Variants in WDR35 observed in about 807,000 individuals in gnomAD.
WDR35 encodes WD repeat-containing protein 35.
In WDR35, 118 loss-of-function variants were observed where a neutral mutation model predicts 158.3. The observed-to-expected ratio is 0.75, with a 90% confidence interval of 0.64 to 0.87. The LOEUF is 0.87. WDR35 is among the 40% of genes least tolerant of loss of function. The probability of loss-of-function intolerance (pLI) is 0.00; values close to 1 mark genes in which losing one functional copy is unlikely to be tolerated. For synonymous variants in WDR35, 448 were observed against 476.1 expected (o/e 0.94, Z 0.77); for missense variants, 1,263 against 1,405.8 (o/e 0.90, Z 1.62).
chr2:19,982,621 T>G, intron 2 of WDR35, 87 bp from the exon 3 acceptor site: 1 of 1,393,056 alleles, frequency 7.2e-7, no homozygotes, highest in Non-Finnish European at 9.9e-7. Context: ...TCCTGGGCAG[T>G]ATTAATCATT....
intron 2 of WDR35, among the ~76,000 whole-genome samples, chr2:19,985,284 C>T (rs1274561456): frequency 6.6e-6 from 1 of 152,130 alleles, no homozygotes; most frequent in Non-Finnish European, 1.5e-5. Context: ...GGCCATCATC[C>T]TCAAACCCTA....
chr2:19,913,968 A>T, intron 26 of WDR35, 69 bp downstream of exon 26: 1 of 1,604,146 alleles, frequency 6.2e-7, no homozygotes, highest in Non-Finnish European at 8.5e-7. Context: ...CCTACATTAA[A>T]CATTGTACAT....
At chr2:19,960,755 T>C (rs936482312) in intron 10 of WDR35, 141 bp from the exon 11 acceptor site, 3 of 654,808 alleles carry the variant, frequency 4.6e-6, no homozygotes, top group Non-Finnish European at 7.9e-6. Context: ...GTGCAAAAAA[T>C]AGCAGACAAA....
chr2:19,973,634 C>A lies in WDR35; in HGVS notation c.811G>T (p.Ala271Ser). The change falls in exon 8 of 27, where the codon GCA becomes TCA. Residue 271 changes from alanine to serine, a missense_variant. Physicochemically the swap from Ala to Ser is moderately conservative, Grantham distance 99. Transcript: ENST00000281405. ...WNHMGSVLAV[A>S]GFQKAAMQDK... is the part of the protein sequence containing the mutation. ...TGCATGGCTGCCTTCTGGAAGCCTG[C>A]CACAGCTAACACGCTGCCCATGTGG... 6.2e-7 allele frequency: 1 copy of A among 1,614,208 alleles called. No homozygotes were observed. Among genetic ancestry groups the A allele is most frequent in the South Asian group, 1.1e-5 (1 of 91,080 alleles).
intron 8 of WDR35, among the ~76,000 whole-genome samples, chr2:19,970,187 G>GA (rs753507216): frequency 6.6e-6 from 1 of 151,952 alleles, no homozygotes; most frequent in Non-Finnish European, 1.5e-5. Context: ...CTAAGGAAAG[G>GA]AAAAAACACA....
chr2:19,917,957 G>A lies in WDR35; in HGVS notation c.3122-3680C>T, dbSNP rs184205166. Reference sequence around the variant, plus strand: ...ACATATTGTCAGATTCACCAAGGTTGAAATGAAGGAAAAAATGTTAAGGGC... The same window carrying A: ...ACATATTGTCAGATTCACCAAGGTTAAAATGAAGGAAAAAATGTTAAGGGC... On this transcript the variant is annotated intron_variant, in intron 25 of 26. Transcript: ENST00000281405. Among the ~76,000 whole-genome samples, 373 of 152,274 alleles carry A rather than the reference G, an allele frequency of 2.4e-3. 6 individuals carry two copies. Among genetic ancestry groups the A allele is most frequent in the African/African-American group, 8.6e-3 (359 of 41,558 alleles).
chr2:19,920,269 C>T (rs546722628), intron 25 of WDR35, among the ~76,000 whole-genome samples: 1 of 152,230 alleles, frequency 6.6e-6, no homozygotes, highest in East Asian at 1.9e-4. Context: ...GTGGCAGAGA[C>T]ACAACAACAA....
At chr2:19,973,335 A>ACTT (rs1162711378) in intron 8 of WDR35, among the ~76,000 whole-genome samples, 1 of 152,120 alleles carries the variant, frequency 6.6e-6, no homozygotes, top group Non-Finnish European at 1.5e-5. Context: ...CTTATGTTAA[A>ACTT]CTTCTGGTTT....
At chr2:19,929,054 G>C (rs1398563035) in intron 25 of WDR35, among the ~76,000 whole-genome samples, 1 of 152,056 alleles carries the variant, frequency 6.6e-6, no homozygotes, top group Admixed American at 6.5e-5. Context: ...TGATCCACCC[G>C]CCTCAGCCTC....
chr2:19,956,092 T>A (rs930356149), intron 11 of WDR35, among the ~76,000 whole-genome samples: 4 of 152,320 alleles, frequency 2.6e-5, no homozygotes, highest in African/African-American at 9.6e-5. Flanking sequence ...TGCGCTCTCC[T>A]TTCCCTGACC....
Position 19,941,723 on chromosome 2 carries a change from A to C in WDR35, c.1926+36T>G, listed in dbSNP as rs764140576. The C allele has an allele frequency of 3.5e-6, 5 of 1,433,992 alleles. No individual in the cohort carries two copies. The African/African-American group carries it at 4.2e-5, about 12-fold the overall frequency. 88.8% of individuals were successfully genotyped at this position (1,433,992 alleles called of 1,614,324 possible). On this transcript the variant is annotated intron_variant, in intron 17 of 26. Coordinates refer to ENST00000281405, the MANE Select transcript of WDR35 (RefSeq NM_020779.4). Reference sequence around the variant, plus strand: ...CCTGGTCCAGAAATAATCCCCTGTCAAGCTAGCAACAGAAATGTAACTTTT... The same window carrying C: ...CCTGGTCCAGAAATAATCCCCTGTCCAGCTAGCAACAGAAATGTAACTTTT...
At chr2:19,930,342 CATACTCAATTTATA>C (rs1670485061) in intron 25 of WDR35, 40 bp downstream of exon 25, 7 of 1,612,564 alleles carry the variant, frequency 4.3e-6, no homozygotes, top group Admixed American at 1.7e-5. Flanking sequence ...GCTAGCCCTT[CATACTCAATTTATA>C]ATTTTCAGAC....
intron 25 of WDR35, among the ~76,000 whole-genome samples, chr2:19,918,896 C>T (rs545652844): frequency 6.6e-6 from 1 of 152,298 alleles, no homozygotes; most frequent in African/African-American, 2.4e-5. Context: ...ACCAAGTGAA[C>T]TTAATAGACA....
intron 19 of WDR35, among the ~76,000 whole-genome samples, chr2:19,937,176 C>G (rs890388897): frequency 1.3e-5 from 2 of 152,132 alleles, no homozygotes; most frequent in African/African-American, 4.8e-5. Context: ...GACTCTCCGC[C>G]TTGTGGTTCA....
In WDR35 at chr2:19,948,161, T is replaced by G; in HGVS notation, c.1524+3A>C. 1 of 1,606,270 alleles carries G rather than the reference T, an allele frequency of 6.2e-7. No individual in the cohort carries two copies. On this transcript the variant is annotated splice_donor_region_variant and intron_variant, in intron 14 of 26. Transcript: ENST00000281405. ...TCATAAAATAAGTTTTTGCAAAACT[T>G]ACCACAATCAATATCTTATCTGATG...
intron 2 of WDR35, among the ~76,000 whole-genome samples, chr2:19,988,595 G>A (rs1171554258): frequency 1.3e-5 from 2 of 152,190 alleles, no homozygotes; most frequent in Non-Finnish European, 2.9e-5. Flanking sequence ...TGGAAGAGCT[G>A]AGATTTAACT....
intron 1 of WDR35, 51 bp downstream of exon 1, chr2:19,989,941 C>T: frequency 6.2e-7 from 1 of 1,610,900 alleles, no homozygotes; most frequent in Non-Finnish European, 8.5e-7. Context: ...CGGGAATCGC[C>T]GCAGGCTGCG....
intron 19 of WDR35, 112 bp from the exon 20 acceptor site, chr2:19,936,477 T>C (rs924696907): frequency 2.0e-6 from 3 of 1,485,562 alleles, no homozygotes; most frequent in African/African-American, 1.4e-5. Context: ...CAGTGGACAA[T>C]GTGACTCTCC....
chr2:19,935,642 T>C (rs1670670172), intron 20 of WDR35, 39 bp from the exon 21 acceptor site: 1 of 1,601,302 alleles, frequency 6.2e-7, no homozygotes, highest in African/African-American at 1.3e-5. Flanking sequence ...AAAACTAATG[T>C]GAATCTCCTG....
Sources: allele counts gnomAD v4.1 joint callset (sites outside exome capture counted in the v4.1 genomes callset), GRCh38; gene constraint gnomAD v4.1.1; transcripts MANE v1.5; gene names NCBI Gene and HGNC (gene_info 2026-07-23, HGNC 2026-07-21).